Variants in UNC13B observed in about 807,000 individuals in gnomAD.
The protein encoded by UNC13B is protein unc-13 homolog B.
A neutral mutation model predicts 211.0 loss-of-function variants in UNC13B; 144 were observed. That is an observed-to-expected ratio of 0.68 (90% CI 0.60 to 0.78). The LOEUF (loss-of-function observed/expected upper bound fraction) is 0.78. UNC13B is among the 30% of genes least tolerant of loss of function. UNC13B has a pLI of 0.00. For missense variants in UNC13B, 1,777 were observed against 2,002.0 expected (o/e 0.89, Z 2.14); for synonymous variants, 709 against 725.8 (o/e 0.98, Z 0.37).
intron 22 of UNC13B, chr9:35,384,928 A>G: frequency 1.4e-6 from 1 of 729,028 alleles, no homozygotes; most frequent in African/African-American, 1.9e-5. Context: ...AGAACAGGCA[A>G]TATATGCACA....
At chr9:35,251,343 T>C (rs1009458448) in intron 6 of UNC13B, among the ~76,000 whole-genome samples, 1 of 152,026 alleles carries the variant, frequency 6.6e-6, no homozygotes, top group African/African-American at 2.4e-5. Context: ...CCCAGCACTC[T>C]GGGGGGGCCG....
chr9:35,337,396 T>C (rs2131994580), intron 11 of UNC13B, among the ~76,000 whole-genome samples: 1 of 152,328 alleles, frequency 6.6e-6, no homozygotes, highest in East Asian at 1.9e-4. Flanking sequence ...AGAATTAGAA[T>C]ATATGGATTC....
At position 35,306,306 on chromosome 9, in the gene UNC13B, G is replaced by C; in HGVS notation, c.6902G>C (p.Ser2301Thr). The C allele has an allele frequency of 2.5e-6, 1 of 399,050 alleles. No individual in the cohort carries two copies. Among genetic ancestry groups the C allele is most frequent in the Non-Finnish European group, 4.4e-6 (1 of 226,054 alleles). The allele number at this position is 399,050 out of a possible 1,614,324, so 24.7% of individuals were successfully genotyped here. The change falls in exon 9 of 40, where the codon AGT (serine) becomes ACT (threonine). Residue 2301 changes from serine (S) to threonine (T), a missense_variant. Ser to Thr is a moderately conservative substitution (Grantham distance 58). Coordinates refer to ENST00000635942, the MANE Select transcript of UNC13B (RefSeq NM_001371189.2). ...IEVTSLADEL[S>T]VDKDCQEKLS... ...GTTACCTCCCTTGCAGATGAGCTCA[G>C]TGTAGACAAGGACTGTCAGGAAAAA...
intron 1 of UNC13B, among the ~76,000 whole-genome samples, chr9:35,211,766 A>G (rs117619387): frequency 0.011 from 1,622 of 152,306 alleles, 23 homozygotes; most frequent in Non-Finnish European, 0.016. Flanking sequence ...CTCATTGTAG[A>G]GCAGTATTAT....
chr9:35,321,565 A>T (rs146642866), intron 11 of UNC13B, among the ~76,000 whole-genome samples: 40 of 152,342 alleles, frequency 2.6e-4, no homozygotes, highest in Admixed American at 2.6e-3. Flanking sequence ...CATTGTGCAT[A>T]CATCTGTTTT....
chr9:35,322,197 G>C (rs1830770543), intron 11 of UNC13B, among the ~76,000 whole-genome samples: 1 of 152,204 alleles, frequency 6.6e-6, no homozygotes, highest in Admixed American at 6.5e-5. Flanking sequence ...CTTAATAAGT[G>C]TTTGATGACA....
At chr9:35,255,086 A>T (rs1389779952) in intron 6 of UNC13B, among the ~76,000 whole-genome samples, 2 of 124,914 alleles carry the variant, frequency 1.6e-5, no homozygotes, top group Non-Finnish European at 3.2e-5. Flanking sequence ...TATATATATT[A>T]TATATATATT....
At chr9:35,282,289 A>G (rs1390016230) in intron 7 of UNC13B, among the ~76,000 whole-genome samples, 1 of 152,072 alleles carries the variant, frequency 6.6e-6, no homozygotes, top group East Asian at 1.9e-4. Flanking sequence ...AAAAGTACCT[A>G]CTATCCCAAC....
intron 1 of UNC13B, among the ~76,000 whole-genome samples, chr9:35,197,475 T>C (rs941253257): frequency 6.6e-6 from 1 of 152,234 alleles, no homozygotes; most frequent in Admixed American, 6.5e-5. Flanking sequence ...CCCAAAGTGT[T>C]GGGATTACAG....
At chr9:35,316,690 G>A (rs1190147727) in intron 11 of UNC13B, among the ~76,000 whole-genome samples, 3 of 152,088 alleles carry the variant, frequency 2.0e-5, no homozygotes, top group African/African-American at 7.2e-5. Context: ...AAGAACGGCT[G>A]ACTGACATCA....
chr9:35,372,202 GC>G (rs1834177006), intron 13 of UNC13B, among the ~76,000 whole-genome samples: 1 of 152,214 alleles, frequency 6.6e-6, no homozygotes, highest in Non-Finnish European at 1.5e-5. Context: ...AACCCGGGAG[GC>G]GGAAGTTGCA....
intron 1 of UNC13B, among the ~76,000 whole-genome samples, chr9:35,207,755 C>T (rs984832386): frequency 1.3e-5 from 2 of 152,126 alleles, no homozygotes; most frequent in African/African-American, 4.8e-5. Flanking sequence ...ATGCTAGATA[C>T]AAAACTCTTA....
chr9:35,350,262 G>T (rs891048227), intron 11 of UNC13B, among the ~76,000 whole-genome samples: 7 of 152,194 alleles, frequency 4.6e-5, no homozygotes, highest in Non-Finnish European at 8.8e-5. Context: ...AGGGTGTAGG[G>T]ACTAGACTGG....
intron 7 of UNC13B, among the ~76,000 whole-genome samples, chr9:35,289,848 G>A (rs554241885): frequency 6.6e-6 from 1 of 152,058 alleles, no homozygotes; most frequent in Admixed American, 6.6e-5. Context: ...GTGTTGGTAG[G>A]CGCCTGTAAT....
chr9:35,352,832 G>C (rs1395192061), intron 11 of UNC13B: 1 of 1,232,066 alleles, frequency 8.1e-7, no homozygotes, highest in Admixed American at 4.2e-5. Context: ...AATCTCAAAA[G>C]AGGAGGCTTC....
At chr9:35,234,714 T>G (rs1293950858) in intron 3 of UNC13B, among the ~76,000 whole-genome samples, 1 of 152,232 alleles carries the variant, frequency 6.6e-6, no homozygotes, top group South Asian at 2.1e-4. Flanking sequence ...CAGGAAATGC[T>G]AATTAAATGA....
chr9:35,167,668 A>G (rs1453128586), intron 1 of UNC13B, among the ~76,000 whole-genome samples: 1 of 146,262 alleles, frequency 6.8e-6, no homozygotes, highest in African/African-American at 2.5e-5. Context: ...GCTCACTGCA[A>G]CCTCTGCCTC....
At chr9:35,322,338 C>A (rs987562887) in intron 11 of UNC13B, among the ~76,000 whole-genome samples, 1 of 151,898 alleles carries the variant, frequency 6.6e-6, no homozygotes. Flanking sequence ...ACGGAGATTG[C>A]GGTGGCAGCG....
rs1484753237 is a variant in UNC13B, at chr9:35,384,235, C to T, written c.10807-11C>T. The T allele has an allele frequency of 1.2e-6, 2 of 1,613,766 alleles. No individual in the cohort carries two copies. Among genetic ancestry groups the T allele is most frequent in the Non-Finnish European group, 1.7e-6 (2 of 1,179,904 alleles). ...TCTTTTTCTTCCCCTTTATTTGTTT[C>T]TCACCCTCAGAAAGAGAGATTTGTA... On this transcript the variant is annotated splice_polypyrimidine_tract_variant and intron_variant, in intron 21 of 39. Coordinates refer to ENST00000635942, the MANE Select transcript of UNC13B (RefSeq NM_001371189.2).
Sources: gnomAD v4.1 joint callset for allele counts (sites outside exome capture counted in the v4.1 genomes callset) on GRCh38, gnomAD v4.1.1 for gene constraint, MANE v1.5 for transcripts, NCBI Gene and HGNC (gene_info 2026-07-23, HGNC 2026-07-21) for gene names.